The following BMPR1B variants were observed in gnomAD, a reference collection of about 807,000 sequenced individuals.
BMPR1B encodes bone morphogenetic protein receptor type 1B.
BMPR1B carries 12 observed loss-of-function variants against 59.1 expected under a neutral mutation model. The ratio of observed to expected loss-of-function variants is 0.20; its 90% confidence interval spans 0.13 to 0.33. BMPR1B has a LOEUF of 0.33. BMPR1B is among the 10% of genes least tolerant of loss of function. The pLI is 1.00. For synonymous variants in BMPR1B, 237 were observed against 207.3 expected, an observed-to-expected ratio of 1.14 and a Z score of -1.23; for missense variants, 550 against 610.9, an observed-to-expected ratio of 0.90 and a Z score of 1.05.
chr4:94,835,453 A>T (rs191131766), intron 1 of BMPR1B, among the ~76,000 whole-genome samples: 326 of 152,282 alleles, frequency 2.1e-3, no homozygotes, highest in African/African-American at 7.5e-3. Context: ...TTTGTCTGAA[A>T]TTTTCTTAAA....
At chr4:95,077,950 C>T (rs1728834613) in intron 3 of BMPR1B, among the ~76,000 whole-genome samples, 3 of 152,128 alleles carry the variant, frequency 2.0e-5, no homozygotes, top group Non-Finnish European at 4.4e-5. Context: ...TAAAATGCAT[C>T]TATGTAGCAC....
intron 2 of BMPR1B, among the ~76,000 whole-genome samples, chr4:94,971,181 C>T (rs1231090871): frequency 2.0e-5 from 3 of 151,988 alleles, no homozygotes; most frequent in Non-Finnish European, 2.9e-5. Flanking sequence ...CCATGAAATA[C>T]GATAAATAAA....
chr4:95,139,304 A>T lies in BMPR1B; in HGVS notation c.1076+7792A>T, dbSNP rs191229070. Among the ~76,000 whole-genome samples the T allele has an allele frequency of 8.1e-3, 1,228 of 152,236 alleles. 14 individuals carry two copies. The highest frequency in any genetic ancestry group is 0.028 in the African/African-American group (1,147 of 41,548). On this transcript the variant is annotated intron_variant, in intron 10 of 12. Transcript: ENST00000515059. ...TCGTCTCAGAGGGGCACCTGGCTGTATGAGGTGTCAGTCGGCCCCTACTGG... is the reference window on the plus strand; with the variant it reads ...TCGTCTCAGAGGGGCACCTGGCTGTTTGAGGTGTCAGTCGGCCCCTACTGG...
chr4:94,981,546 G>T (rs1183510928), intron 2 of BMPR1B, among the ~76,000 whole-genome samples: 1 of 152,180 alleles, frequency 6.6e-6, no homozygotes, highest in Non-Finnish European at 1.5e-5. Flanking sequence ...TTTCTGAAAT[G>T]TGACCAGTAC....
At chr4:94,949,919 C>T (rs1032300470) in intron 2 of BMPR1B, among the ~76,000 whole-genome samples, 4 of 152,104 alleles carry the variant, frequency 2.6e-5, no homozygotes, top group Admixed American at 2.0e-4. Flanking sequence ...AGTGTAAAAG[C>T]GTTCCTATTA....
chr4:94,789,585 C>T (rs981702912), intron 1 of BMPR1B, among the ~76,000 whole-genome samples: 3 of 152,056 alleles, frequency 2.0e-5, no homozygotes, highest in African/African-American at 7.2e-5. Context: ...ACATCATTTC[C>T]ATAGTCTAAA....
At chr4:95,091,422 A>T (rs867051763) in intron 3 of BMPR1B, 1 of 970,448 alleles carries the variant, frequency 1.0e-6, no homozygotes, top group South Asian at 4.8e-5. Flanking sequence ...CAAAGGGACT[A>T]CTGAGAAAAA....
intron 2 of BMPR1B, among the ~76,000 whole-genome samples, chr4:94,967,174 C>T (rs3796422): frequency 0.52 from 79,377 of 151,922 alleles, 21,318 homozygotes; most frequent in African/African-American, 0.61. Context: ...AGTTTCCTCA[C>T]ATATTTTTAT....
chr4:94,916,891 C>T (rs577676415), intron 2 of BMPR1B, among the ~76,000 whole-genome samples: 25 of 152,290 alleles, frequency 1.6e-4, no homozygotes, highest in South Asian at 4.1e-4. Flanking sequence ...AGAATGGTTT[C>T]GTGGGACAGG....
At chr4:94,963,467 T>C (rs1730445682) in intron 2 of BMPR1B, among the ~76,000 whole-genome samples, 1 of 152,186 alleles carries the variant, frequency 6.6e-6, no homozygotes, top group Non-Finnish European at 1.5e-5. Context: ...TAGTTATTCA[T>C]GGTTTCAGGT....
At position 95,125,075 on chromosome 4, in the gene BMPR1B, T is replaced by A. The variant is rs776445882; in HGVS notation, c.539T>A (p.Ile180Asn). The A allele has an allele frequency of 3.7e-6, 6 of 1,613,702 alleles. No homozygotes were observed. Among genetic ancestry groups the A allele is most frequent in the South Asian group, 2.2e-5 (2 of 91,080 alleles). The stretch of plus-strand genomic sequence containing the variant: ...CCTGGAGAATCCCTGAGAGACTTAA[T>A]TGAGCAGTCTCAGAGCTCAGGAAGT... ...IPPGESLRDL[I>N]EQSQSSGSGS... The change falls in exon 8 of 13, where the codon ATT (isoleucine) becomes AAT (asparagine). Residue 180 changes from isoleucine to asparagine, a missense_variant. Ile to Asn is a moderately radical substitution (Grantham distance 149). Coordinates refer to ENST00000515059, the MANE Select transcript of BMPR1B (RefSeq NM_001203.3).
intron 1 of BMPR1B, among the ~76,000 whole-genome samples, chr4:94,874,854 G>A (rs1578748468): frequency 2.6e-5 from 4 of 152,040 alleles, no homozygotes; most frequent in East Asian, 1.9e-4. Flanking sequence ...TTAGCCGGGC[G>A]TGGTGGCAGA....
In BMPR1B at chr4:94,998,176, G is replaced by A. The variant is rs1043296995; in HGVS notation, c.-18+2042G>A. On this transcript the variant is annotated intron_variant, in intron 3 of 12. Transcript: ENST00000515059. The stretch of plus-strand genomic sequence containing the variant: ...TGGCTCTGTAGTCCATCCTGACATT[G>A]GTTATCATATTTATAAATAATATTT... Among the ~76,000 whole-genome samples the A allele has an allele frequency of 7.2e-5, 11 of 152,060 alleles. No homozygotes were observed. In the East Asian group the frequency reaches 1.7e-3, roughly 24 times the overall value.
intron 2 of BMPR1B, among the ~76,000 whole-genome samples, chr4:94,989,796 A>G (rs1721628086): frequency 6.6e-6 from 1 of 152,148 alleles, no homozygotes; most frequent in Non-Finnish European, 1.5e-5. Context: ...GCCAGGTACA[A>G]CTTTCTTGGG....
intron 2 of BMPR1B, among the ~76,000 whole-genome samples, chr4:94,992,500 A>C (rs1721815098): frequency 6.6e-6 from 1 of 152,258 alleles, no homozygotes; most frequent in African/African-American, 2.4e-5. Flanking sequence ...TAGTAACACT[A>C]AGCCTCATTT....
intron 10 of BMPR1B, among the ~76,000 whole-genome samples, chr4:95,140,147 T>G (rs1487011234): frequency 6.6e-6 from 1 of 152,224 alleles, no homozygotes; most frequent in Admixed American, 6.5e-5. Context: ...TCTTGCCTGT[T>G]ATGTAGTCAT....
At chr4:94,949,725 A>G (rs537720202) in intron 2 of BMPR1B, among the ~76,000 whole-genome samples, 1 of 152,274 alleles carries the variant, frequency 6.6e-6, no homozygotes, top group African/African-American at 2.4e-5. Context: ...AGTCTTTGCT[A>G]TTGTGAATAG....
At chr4:94,951,305 C>G (rs530034116) in intron 2 of BMPR1B, among the ~76,000 whole-genome samples, 11 of 152,286 alleles carry the variant, frequency 7.2e-5, no homozygotes, top group Admixed American at 1.3e-4. Flanking sequence ...ACTTCCAATA[C>G]TATGTTGAAT....
At chr4:94,997,348 T>G (rs542656739) in intron 3 of BMPR1B, among the ~76,000 whole-genome samples, 1 of 152,292 alleles carries the variant, frequency 6.6e-6, no homozygotes, top group Non-Finnish European at 1.5e-5. Flanking sequence ...AGATTTTGTG[T>G]TAGGGCTGAA....
Sources: allele counts gnomAD v4.1 joint callset (sites outside exome capture counted in the v4.1 genomes callset), GRCh38; gene constraint gnomAD v4.1.1; transcripts MANE v1.5; gene names NCBI Gene and HGNC (gene_info 2026-07-23, HGNC 2026-07-21).